ABCA13: variants seen among roughly 807,000 people sequenced by gnomAD.
The protein encoded by ABCA13 is ATP-binding cassette sub-family A member 13.
Under a neutral mutation model 478.7 loss-of-function variants are expected in ABCA13, and 476 were observed. That is an observed-to-expected ratio of 0.99 (90% CI 0.92 to 1.07). The LOEUF (loss-of-function observed/expected upper bound fraction) is 1.07. Ranked by LOEUF, ABCA13 falls within the 50% of genes least tolerant of loss-of-function variation. The pLI is 0.00. For missense variants in ABCA13, 6,060 were observed against 5,910.6 expected (o/e 1.03, Z -0.83); for synonymous variants, 2,252 against 2,158.9 (o/e 1.04, Z -1.20).
At chr7:48,196,836 T>A (rs139984509) in intron 2 of ABCA13, among the ~76,000 whole-genome samples, 1 of 152,088 alleles carries the variant, frequency 6.6e-6, no homozygotes, top group African/African-American at 2.4e-5. Context: ...GTCACCACCA[T>A]GTGGAAGATG....
At chr7:48,533,842 A>G (rs1255684258) in intron 55 of ABCA13, among the ~76,000 whole-genome samples, 1 of 152,032 alleles carries the variant, frequency 6.6e-6, no homozygotes, top group Non-Finnish European at 1.5e-5. Flanking sequence ...GTCCATTTGC[A>G]TGGAATATCT....
intron 27 of ABCA13, among the ~76,000 whole-genome samples, chr7:48,320,754 C>T (rs554552894): frequency 6.6e-6 from 1 of 152,310 alleles, no homozygotes; most frequent in African/African-American, 2.4e-5. Flanking sequence ...GCCACTGGTG[C>T]ACAAAGTAGG....
intron 29 of ABCA13, among the ~76,000 whole-genome samples, chr7:48,344,463 A>G (rs1470221006): frequency 6.6e-6 from 1 of 152,176 alleles, no homozygotes; most frequent in African/African-American, 2.4e-5. Context: ...AGGTATATAC[A>G]CTGAATGGTG....
At chr7:48,591,895 A>T (rs1056058746) in intron 57 of ABCA13, among the ~76,000 whole-genome samples, 2 of 151,912 alleles carry the variant, frequency 1.3e-5, no homozygotes, top group African/African-American at 4.8e-5. Context: ...TCTGTATGTT[A>T]GATCATGCTT....
At chr7:48,232,066 C>T (rs989175530) in intron 7 of ABCA13, among the ~76,000 whole-genome samples, 8 of 150,722 alleles carry the variant, frequency 5.3e-5, no homozygotes, top group African/African-American at 2.0e-4. Context: ...TCTATGGCCC[C>T]AAATTCCACC....
Position 48,646,767 on chromosome 7 carries a change from C to A in ABCA13, c.*1255C>A, listed in dbSNP as rs1031486602. ...ATCTCCTGACCTTGTGATCCGCCCCCCTCCACCTCCCAAAGTGCTGGGATT... is the reference window on the plus strand; with the variant it reads ...ATCTCCTGACCTTGTGATCCGCCCCACTCCACCTCCCAAAGTGCTGGGATT... On this transcript the variant is annotated 3_prime_UTR_variant, in exon 62 of 62. Coordinates refer to ENST00000435803, the MANE Select transcript of ABCA13 (RefSeq NM_152701.5). 1.2e-4 allele frequency: 18 copies of A among 152,260 alleles called. No individual in the cohort carries two copies. The highest frequency in any genetic ancestry group is 4.3e-4 in the African/African-American group (18 of 41,538). 9.4% of individuals were successfully genotyped at this position (152,260 alleles called of 1,614,324 possible). A position where few individuals can be genotyped will look rare whatever the true frequency, so the allele number is the denominator to read the frequency against.
At chr7:48,563,203 T>C (rs1036929200) in intron 55 of ABCA13, among the ~76,000 whole-genome samples, 9 of 152,184 alleles carry the variant, frequency 5.9e-5, no homozygotes, top group Non-Finnish European at 1.3e-4. Flanking sequence ...CACAGATTTC[T>C]TGTTTAGTTT....
rs1792004617 is a variant in ABCA13, at chr7:48,248,249, T to C, written c.1670T>C (p.Leu557Ser). The change falls in exon 14 of 62, where the codon TTG becomes TCG. Residue 557 changes from leucine (L) to serine (S), a missense_variant. Coordinates refer to ENST00000435803, the MANE Select transcript of ABCA13 (RefSeq NM_152701.5). ...LGSVEDADRI[L>S]QEVITWHKNM... ...TCTTTTCTTGTTAAGGATCGTATTT[T>C]GCAAGAGGTCATTACTTGGCACAAA... 6.2e-7 allele frequency: 1 copy of C among 1,612,722 alleles called. No individual in the cohort carries two copies. Among genetic ancestry groups the C allele is most frequent in the East Asian group, 2.2e-5 (1 of 44,872 alleles).
chr7:48,373,098 G>A (rs1321659115), intron 33 of ABCA13, among the ~76,000 whole-genome samples: 2 of 152,176 alleles, frequency 1.3e-5, no homozygotes, highest in African/African-American at 2.4e-5. Context: ...AAAATGATCT[G>A]TTTCAGAGAG....
chr7:48,426,158 T>C (rs1821397672), intron 41 of ABCA13, among the ~76,000 whole-genome samples: 1 of 152,230 alleles, frequency 6.6e-6, no homozygotes, highest in Non-Finnish European at 1.5e-5. Flanking sequence ...CTTCTTCTTA[T>C]TATTATTTGC....
chr7:48,198,772 C>G (rs1798280247), intron 3 of ABCA13, among the ~76,000 whole-genome samples: 1 of 152,190 alleles, frequency 6.6e-6, no homozygotes, highest in African/African-American at 2.4e-5. Context: ...TTGTCGCCAG[C>G]TGAGGGAAAA....
chr7:48,417,492 C>T (rs570867582), intron 41 of ABCA13, among the ~76,000 whole-genome samples: 133 of 152,242 alleles, frequency 8.7e-4, no homozygotes, highest in African/African-American at 2.8e-3. Context: ...ATCACTTAGA[C>T]TGGAACCACA....
intron 59 of ABCA13, among the ~76,000 whole-genome samples, chr7:48,625,535 C>T (rs1793588761): frequency 6.6e-6 from 1 of 152,196 alleles, no homozygotes; most frequent in African/African-American, 2.4e-5. Context: ...AGATAGTGCA[C>T]CTCCATATCC....
chr7:48,454,346 G>C (rs1391851824), intron 42 of ABCA13, among the ~76,000 whole-genome samples: 2 of 152,226 alleles, frequency 1.3e-5, no homozygotes, highest in African/African-American at 4.8e-5. Context: ...GATTTACTGA[G>C]ATTCGTTGGT....
intron 39 of ABCA13, chr7:48,404,189 G>A (rs946394197): frequency 1.7e-5 from 6 of 352,666 alleles, no homozygotes; most frequent in South Asian, 8.8e-5. Flanking sequence ...CTTAGAAGAG[G>A]CATCCCAGAT....
rs1287776352 is a variant in ABCA13, at chr7:48,524,373, A to T, written c.14177A>T (p.His4726Leu). 2 of 1,613,114 alleles carry T rather than the reference A, an allele frequency of 1.2e-6. No homozygotes were observed. Among genetic ancestry groups the T allele is most frequent in the Middle Eastern group, 1.6e-4 (1 of 6,078 alleles). The change falls in exon 54 of 62, where the codon CAT (histidine) becomes CTT (leucine). Residue 4726 changes from histidine (H) to leucine (L), a missense_variant. By Grantham distance (99) the His-to-Leu change is moderately conservative. Transcript: ENST00000435803. Reference protein sequence around the residue: ...DILVLYNLSKHYRRFFQNIIA... With the variant: ...DILVLYNLSKLYRRFFQNIIA... ...CTTGTGTTATACAACCTTAGTAAAC[A>T]TTATCGACGCTTTTTCCAGAATATT...
At chr7:48,374,225 G>T in intron 33 of ABCA13, 122 bp from the exon 34 acceptor site, 1 of 805,082 alleles carries the variant, frequency 1.2e-6, no homozygotes, top group South Asian at 1.8e-5. Context: ...CTGAAGCGAT[G>T]GTTGGGCGTC....
rs1016260413 is a variant in ABCA13, at chr7:48,239,228, A to T, written c.898-13A>T. ...GAGCTTTATGTCTAAATATTTTTTC[A>T]TATTGTTGTCAGATTCCCACAGACA... On this transcript the variant is annotated splice_polypyrimidine_tract_variant and intron_variant, in intron 8 of 61. Transcript: ENST00000435803. 1.2e-6 allele frequency: 2 copies of T among 1,613,240 alleles called. No individual in the cohort carries two copies. Among genetic ancestry groups the T allele is most frequent in the African/African-American group, 2.7e-5 (2 of 74,894 alleles).
At chr7:48,421,442 T>C (rs998216654) in intron 41 of ABCA13, among the ~76,000 whole-genome samples, 2 of 152,244 alleles carry the variant, frequency 1.3e-5, no homozygotes, top group African/African-American at 2.4e-5. Context: ...TAGCATTCTA[T>C]TCTACTCAAT....
Sources: allele counts gnomAD v4.1 joint callset (sites outside exome capture counted in the v4.1 genomes callset), GRCh38; gene constraint gnomAD v4.1.1; transcripts MANE v1.5; gene names NCBI Gene and HGNC (gene_info 2026-07-23, HGNC 2026-07-21).